Variants in HSD17B3 observed in about 807,000 individuals in gnomAD.
The protein encoded by HSD17B3 is 17-beta-hydroxysteroid dehydrogenase type 3.
Under a neutral mutation model 41.1 loss-of-function variants are expected in HSD17B3, and 29 were observed. The observed-to-expected ratio is 0.71, with a 90% confidence interval of 0.53 to 0.96. The LOEUF is 0.96. Ranked by LOEUF, HSD17B3 falls within the 40% of genes least tolerant of loss-of-function variation. The pLI is 0.00. For synonymous variants in HSD17B3, 126 were observed against 145.6 expected (o/e 0.87, Z 0.97); for missense variants, 323 against 374.6 (o/e 0.86, Z 1.14).
chr9:96,248,300 T>C (rs1476030212), intron 6 of HSD17B3, among the ~76,000 whole-genome samples: 1 of 152,182 alleles, frequency 6.6e-6, no homozygotes, highest in East Asian at 1.9e-4. Flanking sequence ...CCAGCATGCT[T>C]ATAGAAAAAC....
At chr9:96,270,951 C>CT (rs1304611932) in intron 2 of HSD17B3, among the ~76,000 whole-genome samples, 1 of 72,486 alleles carries the variant, frequency 1.4e-5, no homozygotes, top group Non-Finnish European at 2.9e-5. Context: ...CTCAAATCCT[C>CT]TCGGGGGGGG....
At chr9:96,272,444 T>TAA (rs1564048641) in intron 2 of HSD17B3, among the ~76,000 whole-genome samples, 1 of 97,524 alleles carries the variant, frequency 1.0e-5, no homozygotes, top group South Asian at 3.5e-4. Flanking sequence ...TATATATATA[T>TAA]ATAAAATATA....
chr9:96,263,502 G>C (rs1245291041), intron 2 of HSD17B3, among the ~76,000 whole-genome samples: 1 of 151,496 alleles, frequency 6.6e-6, no homozygotes, highest in Non-Finnish European at 1.5e-5. Context: ...TGGATCACGA[G>C]GTCAAGAGAT....
chr9:96,241,637 T>C (rs1836441751), intron 9 of HSD17B3, among the ~76,000 whole-genome samples: 1 of 152,130 alleles, frequency 6.6e-6, no homozygotes, highest in South Asian at 2.1e-4. Context: ...GGGTTTGGCA[T>C]CTTTAGAAAG....
intron 5 of HSD17B3, 187 bp downstream of exon 5, chr9:96,251,230 GA>G: frequency 1.6e-6 from 1 of 608,696 alleles, no homozygotes; most frequent in East Asian, 2.7e-5. Context: ...GAGATATCGT[GA>G]AAAGTGGTAC....
Position 96,257,716 on chromosome 9 carries a change from C to T in HSD17B3, c.202-2773G>A, listed in dbSNP as rs374155001. Among the ~76,000 whole-genome samples the T allele has an allele frequency of 2.0e-5, 3 of 152,336 alleles. No homozygotes were observed. The East Asian group carries it at 5.8e-4, about 29-fold the overall frequency. ...GTGTTTTCAAGTTTTCCTATTACCA[C>T]TCTTGCTACAGTGCAAGCCCTTCTA... is the stretch of plus-strand genomic sequence containing the variant. On this transcript the variant is annotated intron_variant, in intron 2 of 10. Coordinates refer to ENST00000375263, the MANE Select transcript of HSD17B3 (RefSeq NM_000197.2).
At chr9:96,246,256 TTTTC>T (rs1272872137) in intron 7 of HSD17B3, among the ~76,000 whole-genome samples, 1 of 152,132 alleles carries the variant, frequency 6.6e-6, no homozygotes, top group Admixed American at 6.5e-5. Flanking sequence ...ACTTCTGAAG[TTTTC>T]TTTTACACTC....
At chr9:96,270,247 T>C (rs10990147) in intron 2 of HSD17B3, among the ~76,000 whole-genome samples, 10 of 147,278 alleles carry the variant, frequency 6.8e-5, no homozygotes, top group Non-Finnish European at 1.0e-4. Flanking sequence ...CCCAAACACA[T>C]ACACACACAC....
intron 2 of HSD17B3, 99 bp downstream of exon 2, chr9:96,298,317 T>C (rs1176956673): frequency 2.2e-6 from 2 of 924,840 alleles, no homozygotes; most frequent in African/African-American, 3.2e-5. Context: ...AATGAATGCA[T>C]ACTGCTTTTA....
chr9:96,254,504 GTA>G (rs1315811426), intron 3 of HSD17B3, among the ~76,000 whole-genome samples: 1 of 152,226 alleles, frequency 6.6e-6, no homozygotes, highest in Non-Finnish European at 1.5e-5. Context: ...CCATGAAATA[GTA>G]TAGTTAGTTG....
At position 96,298,678 on chromosome 9, in the gene HSD17B3, T is replaced by C. The variant is rs539941120; in HGVS notation, c.155-216A>G. 2.6e-5 allele frequency among the ~76,000 whole-genome samples: 4 copies of C among 151,442 alleles called. No homozygotes were observed. In the East Asian group the frequency reaches 7.7e-4, roughly 29 times the overall value. On this transcript the variant is annotated intron_variant, in intron 1 of 10. Transcript: ENST00000375263. ...GTGGGTTGGTTGGTTGGTTGGTTTGTTGGTTGGTTGGTTGGTTGGTTAGTT... is the reference window on the plus strand; with the variant it reads ...GTGGGTTGGTTGGTTGGTTGGTTTGCTGGTTGGTTGGTTGGTTGGTTAGTT...
chr9:96,282,871 G>GA (rs1231225870), intron 2 of HSD17B3, among the ~76,000 whole-genome samples: 2 of 151,354 alleles, frequency 1.3e-5, no homozygotes, highest in Admixed American at 1.3e-4. Context: ...GAAGGTTTGT[G>GA]AAAAAAATTA....
In HSD17B3 at chr9:96,250,087, C is replaced by T. The variant is rs1378678832; in HGVS notation, c.454-301G>A. 11 of 1,353,882 alleles carry T rather than the reference C, an allele frequency of 8.1e-6. No homozygotes were observed. The East Asian group carries it at 2.9e-4, about 36-fold the overall frequency. The allele number at this position is 1,353,882 out of a possible 1,614,324, so 83.9% of individuals were successfully genotyped here. On this transcript the variant is annotated intron_variant, in intron 5 of 10. Coordinates refer to ENST00000375263, the MANE Select transcript of HSD17B3 (RefSeq NM_000197.2). ...TATAAATACGGTTTTTCAAAGGGAG[C>T]TACTCCATTCTCAGCTGGAGGAAGA... is the stretch of plus-strand genomic sequence containing the variant.
At chr9:96,297,685 T>C (rs1216351562) in intron 2 of HSD17B3, among the ~76,000 whole-genome samples, 1 of 152,196 alleles carries the variant, frequency 6.6e-6, no homozygotes, top group Non-Finnish European at 1.5e-5. Context: ...TCTTACAGTT[T>C]CTAGAATTCT....
Position 96,246,599 on chromosome 9 carries a change from G to A in HSD17B3, c.490-9C>T, listed in dbSNP as rs748335720. 1 of 1,614,006 alleles carries A rather than the reference G, an allele frequency of 6.2e-7. No homozygotes were observed. Among genetic ancestry groups the A allele is most frequent in the South Asian group, 1.1e-5 (1 of 91,074 alleles). The stretch of plus-strand genomic sequence containing the variant: ...AGAATTAGCTGTGTCATCTACAAGA[G>A]AAGGCCAAAGGTAAGCCCGACAAGG... On this transcript the variant is annotated splice_polypyrimidine_tract_variant and intron_variant, in intron 6 of 10. Coordinates refer to ENST00000375263, the MANE Select transcript of HSD17B3 (RefSeq NM_000197.2).
chr9:96,288,239 G>A (rs920573245), intron 2 of HSD17B3, among the ~76,000 whole-genome samples: 6 of 152,210 alleles, frequency 3.9e-5, no homozygotes, highest in Non-Finnish European at 7.3e-5. Flanking sequence ...AAAAATTACT[G>A]AAGTGTACAC....
rs73543281 is a variant in HSD17B3, at chr9:96,245,216, C to G, written c.606+129G>C. The G allele has an allele frequency of 2.8e-3, 2,239 of 800,324 alleles. 37 individuals are homozygous for G. The African/African-American group carries it at 0.032, about 12-fold the overall frequency. The allele number at this position is 800,324 out of a possible 1,614,324, so 49.6% of individuals were successfully genotyped here. ...CTCTTGGACTTCCCAGTGAGTAGCTCAGCCCTGCACATAAGAGAGCATCTC... is the reference window on the plus strand; with the variant it reads ...CTCTTGGACTTCCCAGTGAGTAGCTGAGCCCTGCACATAAGAGAGCATCTC... On this transcript the variant is annotated intron_variant, in intron 8 of 10. Transcript: ENST00000375263.
chr9:96,298,719 T>C (rs1023786322), intron 1 of HSD17B3, among the ~76,000 whole-genome samples: 2 of 152,120 alleles, frequency 1.3e-5, no homozygotes, highest in East Asian at 1.9e-4. Context: ...TTTGGAGGGA[T>C]TGGCGAGACT....
At chr9:96,276,325 A>G (rs1337655904) in intron 2 of HSD17B3, among the ~76,000 whole-genome samples, 1 of 152,152 alleles carries the variant, frequency 6.6e-6, no homozygotes, top group African/African-American at 2.4e-5. Flanking sequence ...AAATGTGCAT[A>G]CTATTGAAAA....
Sources: gnomAD v4.1 joint callset for allele counts (sites outside exome capture counted in the v4.1 genomes callset) on GRCh38, gnomAD v4.1.1 for gene constraint, MANE v1.5 for transcripts, NCBI Gene and HGNC (gene_info 2026-07-23, HGNC 2026-07-21) for gene names.